Variants in DLG2 observed in about 807,000 individuals in gnomAD.
The protein encoded by DLG2 is disks large homolog 2.
Under a neutral mutation model 132.5 loss-of-function variants are expected in DLG2, and 45 were observed. The ratio of observed to expected loss-of-function variants is 0.34; its 90% confidence interval spans 0.27 to 0.44. The LOEUF (loss-of-function observed/expected upper bound fraction) is 0.44. Ranked by LOEUF, DLG2 falls within the 20% of genes least tolerant of loss-of-function variation. DLG2 has a pLI of 1.00. For missense variants in DLG2, 1,045 were observed against 1,196.9 expected (o/e 0.87, Z 1.87); for synonymous variants, 424 against 419.6 (o/e 1.01, Z -0.13).
At chr11:85,011,380 T>A (rs2059135182) in intron 6 of DLG2, among the ~76,000 whole-genome samples, 1 of 152,204 alleles carries the variant, frequency 6.6e-6, no homozygotes, top group Admixed American at 6.5e-5. Flanking sequence ...TGGCGTGGGA[T>A]GATGTAATCT....
At chr11:83,914,790 T>TA (rs1241986556) in intron 15 of DLG2, among the ~76,000 whole-genome samples, 2 of 152,154 alleles carry the variant, frequency 1.3e-5, no homozygotes, top group Non-Finnish European at 2.9e-5. Flanking sequence ...GTAATGAACA[T>TA]ACTTTTTGAT....
At chr11:83,480,058 A>G (rs1385687008) in intron 22 of DLG2, among the ~76,000 whole-genome samples, 1 of 152,114 alleles carries the variant, frequency 6.6e-6, no homozygotes, top group Non-Finnish European at 1.5e-5. Context: ...GGGGGTTACA[A>G]TGTAAAAATC....
chr11:84,604,989 A>G (rs1395867367), intron 6 of DLG2, among the ~76,000 whole-genome samples: 8 of 151,922 alleles, frequency 5.3e-5, no homozygotes, highest in Non-Finnish European at 1.2e-4. Flanking sequence ...AATAATATAA[A>G]TATTTGTTTT....
chr11:85,415,929 TCATGAAGTCTTGGCC>T (rs1453050909), intron 3 of DLG2, among the ~76,000 whole-genome samples: 5 of 152,216 alleles, frequency 3.3e-5, no homozygotes, highest in Non-Finnish European at 7.4e-5. Flanking sequence ...GGTGTTTTAG[TCATGAAGTCTTGGCC>T]CATGCCTATG....
At chr11:83,778,554 G>A (rs974680194) in intron 18 of DLG2, among the ~76,000 whole-genome samples, 37 of 152,138 alleles carry the variant, frequency 2.4e-4, no homozygotes, top group African/African-American at 8.9e-4. Flanking sequence ...AATGAGAGGA[G>A]GTTATATCTA....
At position 84,396,283 on chromosome 11, in the gene DLG2, C is replaced by T. The variant is rs180740604; in HGVS notation, c.519+138287G>A. On this transcript the variant is annotated intron_variant, in intron 7 of 27. Transcript: ENST00000376104. ...TTCAAAGTACTGTACTAGGTTTATA[C>T]GGGCTACATAGTTTTATAGTTAATT... 8.5e-4 allele frequency among the ~76,000 whole-genome samples: 130 copies of T among 152,154 alleles called. 1 individual carries two copies. In the Middle Eastern group the frequency reaches 0.024, roughly 28 times the overall value.
At chr11:83,832,317 T>C (rs1015868872) in intron 17 of DLG2, among the ~76,000 whole-genome samples, 5 of 152,204 alleles carry the variant, frequency 3.3e-5, no homozygotes, top group Admixed American at 6.5e-5. Flanking sequence ...GGTTGTGTTA[T>C]GGCATAGATT....
At chr11:84,588,388 T>C (rs1347344464) in intron 6 of DLG2, among the ~76,000 whole-genome samples, 2 of 152,128 alleles carry the variant, frequency 1.3e-5, no homozygotes, top group Non-Finnish European at 2.9e-5. Context: ...ATTCTTAGTG[T>C]TTCTATGATG....
chr11:85,417,333 G>A (rs1171860027), intron 3 of DLG2, among the ~76,000 whole-genome samples: 1 of 152,108 alleles, frequency 6.6e-6, no homozygotes, highest in Non-Finnish European at 1.5e-5. Flanking sequence ...ATGTGTTGCT[G>A]GATTTGGTTT....
At chr11:85,498,266 C>G in intron 3 of DLG2, among the ~76,000 whole-genome samples, 1 of 152,084 alleles carries the variant, frequency 6.6e-6, no homozygotes, top group Non-Finnish European at 1.5e-5. Flanking sequence ...CAAAAAAAAG[C>G]AGGGATTGAA....
chr11:84,408,412 G>A (rs2098871711), intron 7 of DLG2, among the ~76,000 whole-genome samples: 1 of 152,000 alleles, frequency 6.6e-6, no homozygotes, highest in African/African-American at 2.4e-5. Flanking sequence ...TGTTACATAT[G>A]TATACATGTG....
chr11:83,573,359 A>G (rs2096829389), intron 19 of DLG2, among the ~76,000 whole-genome samples: 1 of 152,176 alleles, frequency 6.6e-6, no homozygotes, highest in Non-Finnish European at 1.5e-5. Flanking sequence ...AGATGTGGCT[A>G]TAAGTGTCTT....
intron 3 of DLG2, among the ~76,000 whole-genome samples, chr11:85,450,783 G>T (rs750238457): frequency 2.6e-5 from 4 of 151,922 alleles, no homozygotes; most frequent in Admixed American, 2.0e-4. Flanking sequence ...AGAAGTTTTC[G>T]GTGGAATTGA....
intron 3 of DLG2, among the ~76,000 whole-genome samples, chr11:85,314,615 G>C (rs1465204076): frequency 6.6e-6 from 1 of 151,810 alleles, no homozygotes; most frequent in African/African-American, 2.4e-5. Flanking sequence ...ATTTTGGGGG[G>C]TGAAAGTCCT....
In DLG2 at chr11:83,482,789, C is replaced by T. The variant is rs2093229484; in HGVS notation, c.2293+1340G>A. ...GACTACGAAACAGCTCCTTTACTAA[C>T]AGCAAAGTGCAACCCAATTATGAGA... On this transcript the variant is annotated intron_variant, in intron 22 of 27. Transcript: ENST00000376104. Among the ~76,000 whole-genome samples the T allele has an allele frequency of 2.0e-5, 3 of 152,146 alleles. No individual in the cohort carries two copies. In the South Asian group the frequency reaches 6.2e-4, roughly 32 times the overall value.
At chr11:85,440,408 A>G (rs549146275) in intron 3 of DLG2, among the ~76,000 whole-genome samples, 3 of 152,202 alleles carry the variant, frequency 2.0e-5, no homozygotes, top group African/African-American at 7.2e-5. Context: ...CTAATCATCA[A>G]TTATGTCACT....
intron 9 of DLG2, among the ~76,000 whole-genome samples, chr11:84,154,714 G>A (rs772985324): frequency 1.1e-4 from 16 of 151,020 alleles, no homozygotes; most frequent in Non-Finnish European, 2.2e-4. Flanking sequence ...TTTTCTCATT[G>A]TTCAATTCCC....
chr11:85,472,481 G>C (rs1263844071), intron 3 of DLG2, among the ~76,000 whole-genome samples: 2 of 152,068 alleles, frequency 1.3e-5, no homozygotes, highest in Non-Finnish European at 2.9e-5. Flanking sequence ...TGTATTTTTA[G>C]TAGAGACAGG....
intron 8 of DLG2, among the ~76,000 whole-genome samples, chr11:84,191,928 G>C (rs2096415734): frequency 1.3e-5 from 2 of 150,638 alleles, no homozygotes; most frequent in Admixed American, 1.3e-4. Flanking sequence ...AAAAAATGCT[G>C]AGCACGGAGT....
Sources: gnomAD v4.1 joint callset for allele counts (sites outside exome capture counted in the v4.1 genomes callset) on GRCh38, gnomAD v4.1.1 for gene constraint, MANE v1.5 for transcripts, NCBI Gene and HGNC (gene_info 2026-07-23, HGNC 2026-07-21) for gene names.